Variants in CALCR observed in about 807,000 individuals in gnomAD.
The protein encoded by CALCR is calcitonin receptor.
A neutral mutation model predicts 59.5 loss-of-function variants in CALCR; 47 were observed. The ratio of observed to expected loss-of-function variants is 0.79; its 90% CI spans 0.63 to 1.01. The LOEUF is 1.01. Among genes scored for constraint, CALCR ranks in the 50% least tolerant of loss-of-function variants. CALCR has a pLI of 0.00. For missense variants in CALCR, 566 were observed against 597.1 expected, an observed-to-expected ratio of 0.95 and a Z score of 0.54; for synonymous variants, 213 against 211.3, an observed-to-expected ratio of 1.01 and a Z score of -0.07.
intron 7 of CALCR, among the ~76,000 whole-genome samples, chr7:93,464,177 C>T (rs1028113524): frequency 2.0e-5 from 3 of 151,814 alleles, no homozygotes; most frequent in African/African-American, 7.3e-5. Flanking sequence ...TTTTTGGGAG[C>T]TTGTAGTTGT....
chr7:93,545,948 T>C (rs1478966960), intron 2 of CALCR, among the ~76,000 whole-genome samples: 3 of 152,060 alleles, frequency 2.0e-5, no homozygotes, highest in Non-Finnish European at 4.4e-5. Flanking sequence ...TAAGAAGCTC[T>C]CCTACACATA....
chr7:93,448,164 C>G (rs868547013), intron 8 of CALCR, among the ~76,000 whole-genome samples: 1 of 151,930 alleles, frequency 6.6e-6, no homozygotes, highest in African/African-American at 2.4e-5. Flanking sequence ...TGATACATTT[C>G]GTGTGCACAA....
At chr7:93,469,297 AC>A (rs1800505074) in intron 6 of CALCR, among the ~76,000 whole-genome samples, 1 of 148,494 alleles carries the variant, frequency 6.7e-6, no homozygotes, top group Non-Finnish European at 1.5e-5. Flanking sequence ...TGAAGCCGAA[AC>A]CTTTCCCCTT....
intron 3 of CALCR, among the ~76,000 whole-genome samples, chr7:93,484,359 G>A (rs1219646586): frequency 1.3e-5 from 2 of 151,730 alleles, no homozygotes; most frequent in African/African-American, 4.8e-5. Context: ...GTCCATCTCT[G>A]CAATAGTTCA....
intron 2 of CALCR, among the ~76,000 whole-genome samples, chr7:93,524,232 T>C (rs181976306): frequency 2.6e-5 from 4 of 150,952 alleles, no homozygotes; most frequent in East Asian, 1.9e-4. Flanking sequence ...TGCAGTGGCA[T>C]GATCTCAGCT....
chr7:93,509,785 T>C (rs1801504408), intron 2 of CALCR, among the ~76,000 whole-genome samples: 1 of 152,108 alleles, frequency 6.6e-6, no homozygotes, highest in South Asian at 2.1e-4. Context: ...TATATGACAA[T>C]ACTATATTAT....
chr7:93,468,859 A>C (rs1375528677), intron 6 of CALCR, 53 bp from the exon 7 acceptor site: 6 of 822,598 alleles, frequency 7.3e-6, no homozygotes, highest in Non-Finnish European at 1.1e-5. Flanking sequence ...TTCATCAGAG[A>C]GAAAATCATT....
At chr7:93,498,628 G>T (rs1353063975) in intron 2 of CALCR, among the ~76,000 whole-genome samples, 1 of 151,624 alleles carries the variant, frequency 6.6e-6, no homozygotes, top group Non-Finnish European at 1.5e-5. Flanking sequence ...ACTTCGATAT[G>T]TGAGAGATTG....
At chr7:93,532,433 CAGAGT>C (rs1207139651) in intron 2 of CALCR, among the ~76,000 whole-genome samples, 1 of 151,868 alleles carries the variant, frequency 6.6e-6, no homozygotes, top group African/African-American at 2.4e-5. Flanking sequence ...TTGCCTTAGG[CAGAGT>C]AGAGTAAAGT....
chr7:93,565,612 G>A (rs1280158835), intron 2 of CALCR, among the ~76,000 whole-genome samples: 1 of 152,162 alleles, frequency 6.6e-6, no homozygotes, highest in African/African-American at 2.4e-5. Flanking sequence ...CTCGAGCAAG[G>A]ATCATTCACC....
At chr7:93,429,821 G>A (rs1799608746) in intron 13 of CALCR, among the ~76,000 whole-genome samples, 1 of 147,948 alleles carries the variant, frequency 6.8e-6, no homozygotes, top group African/African-American at 2.5e-5. Flanking sequence ...CAGACCTGCT[G>A]CAACCTGAGC....
rs756333360 is a variant in CALCR at position 93,477,628 on chromosome 7, CCAGCA to C, written c.241_245del (p.Cys81GlyfsTer2). On this transcript the variant is annotated frameshift_variant, in exon 5 of 14. Transcript: ENST00000426151. LOFTEE classifies it high-confidence loss of function. ...ACAATACTCCAGCCGGTGTGTCATC[CCAGCA>C]CAGCCATCCATCCCAGGTGCGATTG... 1.8e-5 allele frequency: 29 copies of C among 1,611,268 alleles called. No individual in the cohort carries two copies. Among genetic ancestry groups the C allele is most frequent in the Non-Finnish European group, 2.4e-5 (28 of 1,178,446 alleles).
intron 2 of CALCR, among the ~76,000 whole-genome samples, chr7:93,534,706 T>C (rs1411210971): frequency 6.6e-6 from 1 of 151,502 alleles, no homozygotes; most frequent in African/African-American, 2.4e-5. Context: ...GAAACTGGAG[T>C]TTCATTACAT....
chr7:93,531,463 C>T (rs73221767), intron 2 of CALCR, among the ~76,000 whole-genome samples: 15,990 of 152,114 alleles, frequency 0.11, 1,073 homozygotes, highest in Non-Finnish European at 0.15. Context: ...ATTAACTTTA[C>T]ATATTACAAA....
chr7:93,519,327 A>C (rs1801710845), intron 2 of CALCR, among the ~76,000 whole-genome samples: 1 of 152,030 alleles, frequency 6.6e-6, no homozygotes, highest in African/African-American at 2.4e-5. Flanking sequence ...AATTACAATA[A>C]TTTTATAGAG....
chr7:93,494,710 A>T (rs1801160947), intron 2 of CALCR, among the ~76,000 whole-genome samples: 1 of 151,294 alleles, frequency 6.6e-6, no homozygotes, highest in East Asian at 1.9e-4. Context: ...CTTTATGGTG[A>T]CTCCTGAGGA....
intron 8 of CALCR, among the ~76,000 whole-genome samples, chr7:93,444,894 G>T (rs976040261): frequency 2.6e-5 from 4 of 152,094 alleles, no homozygotes; most frequent in Admixed American, 2.6e-4. Flanking sequence ...AGATAGCCAT[G>T]AAGTGACTTT....
chr7:93,438,475 G>A (rs1354062867), intron 9 of CALCR, among the ~76,000 whole-genome samples: 4 of 152,332 alleles, frequency 2.6e-5, no homozygotes, highest in Admixed American at 2.6e-4. Context: ...CTTCCTGAGA[G>A]TTTGGTTAAG....
At chr7:93,524,164 AT>A (rs1020792579) in intron 2 of CALCR, among the ~76,000 whole-genome samples, 220 of 144,166 alleles carry the variant, frequency 1.5e-3, no homozygotes, top group East Asian at 4.6e-3. Context: ...TTTATTTACT[AT>A]TTTTTTTTCT....
Sources: allele counts gnomAD v4.1 joint callset (sites outside exome capture counted in the v4.1 genomes callset), GRCh38; gene constraint gnomAD v4.1.1; transcripts MANE v1.5; gene names NCBI Gene and HGNC (gene_info 2026-07-23, HGNC 2026-07-21).